TBPL2: variants seen among roughly 807,000 people sequenced by gnomAD.
TBPL2 encodes TATA-box binding protein like 2.
TBPL2 carries 40 observed loss-of-function variants against 38.2 expected under a neutral mutation model. That is an observed-to-expected ratio of 1.05 (90% CI 0.81 to 1.36). The LOEUF (loss-of-function observed/expected upper bound fraction) is 1.36. Among genes scored for constraint, TBPL2 ranks in the 40% most tolerant of loss-of-function variants. The pLI, the probability that TBPL2 is intolerant of heterozygous loss-of-function variation, is 0.00. For missense variants in TBPL2, 461 were observed against 456.7 expected, an observed-to-expected ratio of 1.01 and a Z score of -0.09; for synonymous variants, 169 against 171.7, an observed-to-expected ratio of 0.98 and a Z score of 0.12.
intron 1 of TBPL2, among the ~76,000 whole-genome samples, chr14:55,439,617 C>CCGCCCCCGCCCG (rs1555344746): frequency 6.9e-5 from 5 of 72,628 alleles, no homozygotes; most frequent in African/African-American, 2.2e-4. Context: ...AAAGCAAACC[C>CCGCCCCCGCCCG]CCCCCCGTCT....
chr14:55,429,311 G>A (rs985138370), intron 4 of TBPL2, among the ~76,000 whole-genome samples: 4 of 152,208 alleles, frequency 2.6e-5, no homozygotes, highest in Non-Finnish European at 4.4e-5. Context: ...CTTCACCTGG[G>A]AACTTGTTAG....
At chr14:55,417,379 G>A (rs111700348) in intron 6 of TBPL2, among the ~76,000 whole-genome samples, 11 of 142,774 alleles carry the variant, frequency 7.7e-5, no homozygotes, top group Non-Finnish European at 1.7e-4. Context: ...TGGCTCCATA[G>A]TCCTATTAAT....
In TBPL2 at chr14:55,435,859, T is replaced by G. The variant is rs1238536560; in HGVS notation, c.684A>C (p.Glu228Asp). The G allele has an allele frequency of 4.5e-6, 7 of 1,567,230 alleles. 1 individual carries two copies. Among genetic ancestry groups the G allele is most frequent in the Non-Finnish European group, 6.0e-6 (7 of 1,165,400 alleles). ...TGAGAAATGTTACCTTTGGGTTATA[T>G]TCTGCATTTTTTGCATGCAAAGCTA... The change falls in exon 3 of 7, where the codon GAA (glutamate) becomes GAC (aspartate). Residue 228 changes from glutamate to aspartate, a missense_variant. By Grantham distance (45) the Glu-to-Asp change is conservative (BLOSUM62 2). Coordinates refer to ENST00000247219, the Ensembl canonical transcript of TBPL2.
chr14:55,428,772 G>T, intron 5 of TBPL2, 35 bp downstream of exon 5: 1 of 1,575,522 alleles, frequency 6.3e-7, no homozygotes, highest in Non-Finnish European at 8.6e-7. Flanking sequence ...AAATATCTTG[G>T]TAAATTCAAA....
exon 7 of TBPL2, chr14:55,414,274 C>T (rs774295086): frequency 1.2e-5 from 10 of 860,980 alleles, no homozygotes; most frequent in East Asian, 1.0e-4. Context: ...TAATAAGTAA[C>T]GTACTTGTAA....
At chr14:55,425,771 C>T (rs1378048037) in intron 5 of TBPL2, among the ~76,000 whole-genome samples, 3 of 152,172 alleles carry the variant, frequency 2.0e-5, no homozygotes, top group Non-Finnish European at 4.4e-5. Flanking sequence ...GTCTCATAGC[C>T]CCTGAAGGGC....
At chr14:55,420,886 C>T (rs112610918) in intron 6 of TBPL2, among the ~76,000 whole-genome samples, 8,870 of 151,652 alleles carry the variant, frequency 0.058, 335 homozygotes, top group Non-Finnish European at 0.085. Flanking sequence ...GGTGAAACCC[C>T]GTCTCTACTA....
chr14:55,437,824 C>T (rs1461442438), intron 1 of TBPL2, among the ~76,000 whole-genome samples: 1 of 152,156 alleles, frequency 6.6e-6, no homozygotes, highest in African/African-American at 2.4e-5. Flanking sequence ...CATGGTTATT[C>T]CTTCTAGGCA....
intron 6 of TBPL2, among the ~76,000 whole-genome samples, chr14:55,418,044 C>A (rs1013017880): frequency 2.6e-5 from 4 of 152,170 alleles, no homozygotes; most frequent in Admixed American, 2.6e-4. Context: ...AAAGTTGGGA[C>A]ATTTTATAAA....
At chr14:55,427,511 T>C (rs1171897022) in intron 5 of TBPL2, among the ~76,000 whole-genome samples, 1 of 152,176 alleles carries the variant, frequency 6.6e-6, no homozygotes, top group Non-Finnish European at 1.5e-5. Context: ...AATCATTCGA[T>C]GGCCAAGAGA....
At chr14:55,432,726 T>C (rs1477126910) in intron 4 of TBPL2, among the ~76,000 whole-genome samples, 3 of 152,218 alleles carry the variant, frequency 2.0e-5, no homozygotes, top group Non-Finnish European at 4.4e-5. Flanking sequence ...AGTACATTTA[T>C]AGAGCGAGAA....
In TBPL2 at chr14:55,435,827, G is replaced by A. The variant is rs1172834363; in HGVS notation, c.696+20C>T. On this transcript the variant is annotated intron_variant, in intron 3 of 6. Coordinates refer to ENST00000247219, the Ensembl canonical transcript of TBPL2. ...TCTAAAGAGAAGCTAATTATTGGAA[G>A]GAATACTGAGAAATGTTACCTTTGG... 6.8e-7 allele frequency: 1 copy of A among 1,473,530 alleles called. No homozygotes were observed. Among genetic ancestry groups the A allele is most frequent in the South Asian group, 1.3e-5 (1 of 79,866 alleles). The allele number at this position is 1,473,530 out of a possible 1,614,324, so 91.3% of individuals were successfully genotyped here.
chr14:55,428,704 T>C, intron 5 of TBPL2, 103 bp downstream of exon 5: 1 of 1,301,060 alleles, frequency 7.7e-7, no homozygotes. Flanking sequence ...CCGCCTTTTT[T>C]TTTTTAATCA....
chr14:55,430,398 TAAAAAAA>T (rs370880582), intron 4 of TBPL2, among the ~76,000 whole-genome samples: 31 of 119,806 alleles, frequency 2.6e-4, no homozygotes, highest in African/African-American at 8.6e-4. Context: ...TCACCCACTT[TAAAAAAA>T]AAAAAAAAAA....
At chr14:55,436,730 T>C in exon 2 of TBPL2, 1 of 1,614,224 alleles carries the variant, frequency 6.2e-7, no homozygotes, top group Non-Finnish European at 8.5e-7. Context: ...CTGCTGCTGT[T>C]TAAGCCCAGC....
chr14:55,440,376 G>A lies in TBPL2; in HGVS notation c.150+20C>T. On this transcript the variant is annotated intron_variant, in intron 1 of 6. Coordinates refer to ENST00000247219, the Ensembl canonical transcript of TBPL2. ...GGCGGGACTTGGGTCCTGACTCTGG[G>A]ACAGTGGCGGCAGCCTCACCTGAGC... 1.1e-5 allele frequency: 17 copies of A among 1,612,862 alleles called. No individual in the cohort carries two copies. Among genetic ancestry groups the A allele is most frequent in the Non-Finnish European group, 1.4e-5 (17 of 1,179,944 alleles).
At chr14:55,432,862 A>C (rs980867960) in intron 4 of TBPL2, among the ~76,000 whole-genome samples, 1 of 152,198 alleles carries the variant, frequency 6.6e-6, no homozygotes, top group Admixed American at 6.5e-5. Flanking sequence ...CCTCTGCGTG[A>C]GATCCAGGAG....
At chr14:55,428,117 A>ATTTTT (rs1420262023) in intron 5 of TBPL2, among the ~76,000 whole-genome samples, 2 of 48,332 alleles carry the variant, frequency 4.1e-5, no homozygotes, top group African/African-American at 7.1e-5. Context: ...CACATGCCTT[A>ATTTTT]TCTTTTTTTT....
At chr14:55,437,541 A>G (rs1248637473) in intron 1 of TBPL2, among the ~76,000 whole-genome samples, 1 of 152,254 alleles carries the variant, frequency 6.6e-6, no homozygotes, top group Non-Finnish European at 1.5e-5. Context: ...TTTAAAATGC[A>G]GAAAAAGCAT....
Sources: allele counts gnomAD v4.1 joint callset (sites outside exome capture counted in the v4.1 genomes callset), GRCh38; gene constraint gnomAD v4.1.1; transcripts MANE v1.5; gene names NCBI Gene and HGNC (gene_info 2026-07-23, HGNC 2026-07-21).